ZSCAN2: variants seen among roughly 807,000 people sequenced by gnomAD.
ZSCAN2 encodes zinc finger and SCAN domain containing 2.
ZSCAN2 carries 26 observed loss-of-function variants against 47.8 expected under a neutral mutation model. The observed-to-expected ratio is 0.54, with a 90% CI of 0.40 to 0.75. The LOEUF (loss-of-function observed/expected upper bound fraction) is 0.75, where lower values mean the gene tolerates loss of function less well. ZSCAN2 is among the 30% of genes least tolerant of loss of function. ZSCAN2 has a pLI of 0.00. For missense variants in ZSCAN2, 732 were observed against 785.4 expected (o/e 0.93, Z 0.81); for synonymous variants, 305 against 288.7 (o/e 1.06, Z -0.57).
Position 84,604,294 on chromosome 15 carries a change from G to T in ZSCAN2, c.367G>T (p.Ala123Ser). The T allele has an allele frequency of 1.2e-6, 2 of 1,613,578 alleles. No individual in the cohort carries two copies. Among genetic ancestry groups the T allele is most frequent in the Non-Finnish European group, 1.7e-6 (2 of 1,179,700 alleles). Residue 123 changes from alanine to serine, a missense_variant, in exon 2 of 3, where the codon GCC (alanine) becomes TCC (serine). This residue lies in a region of ZSCAN2 where 320 missense variants were observed against 287.4 expected (regional missense o/e 1.11). Coordinates refer to ENST00000546148, the MANE Select transcript of ZSCAN2 (RefSeq NM_181877.4). ...HRPESSEEAA[A>S]LVEDLTQTLQ... The stretch of plus-strand genomic sequence containing the variant: ...GCCTGAAAGCAGTGAGGAGGCAGCG[G>T]CCCTGGTGGAAGACTTGACCCAGAC...
chr15:84,606,794 C>G (rs1895395910), intron 2 of ZSCAN2: 29 of 1,320,706 alleles, frequency 2.2e-5, no homozygotes, highest in Middle Eastern at 5.7e-4. Context: ...TGGGGACCAT[C>G]CCAGACACAT....
At chr15:84,616,312 C>G (rs762380747) in intron 2 of ZSCAN2, 1 of 1,416,136 alleles carries the variant, frequency 7.1e-7, no homozygotes, top group Non-Finnish European at 1.0e-6. Context: ...TTTCCAGAAA[C>G]AGCTTCCTGC....
At chr15:84,607,583 A>C (rs1228972031) in intron 2 of ZSCAN2, among the ~76,000 whole-genome samples, 1 of 152,084 alleles carries the variant, frequency 6.6e-6, no homozygotes, top group Non-Finnish European at 1.5e-5. Context: ...ATCTGGGCTC[A>C]CTGCAACCTC....
chr15:84,620,435 T>A (rs1429537422), intron 2 of ZSCAN2, among the ~76,000 whole-genome samples, 167 bp from the exon 3 acceptor site: 1 of 152,242 alleles, frequency 6.6e-6, no homozygotes, highest in Non-Finnish European at 1.5e-5. Context: ...ATAGAATGAT[T>A]TATATTCCTT....
At chr15:84,604,761 G>A (rs1405428355) in intron 2 of ZSCAN2, among the ~76,000 whole-genome samples, 3 of 124,352 alleles carry the variant, frequency 2.4e-5, no homozygotes, top group South Asian at 2.5e-4. Flanking sequence ...TTTTTGAAAC[G>A]GAGTCTCGCT....
intron 2 of ZSCAN2, among the ~76,000 whole-genome samples, chr15:84,610,488 CTTT>C (rs71132689): frequency 4.3e-4 from 37 of 86,926 alleles, no homozygotes; most frequent in Middle Eastern, 5.2e-3. Flanking sequence ...TTCTTTCTTT[CTTT>C]TTTTTTTTTT....
At chr15:84,617,916 G>C (rs566840404) in intron 2 of ZSCAN2, among the ~76,000 whole-genome samples, 1 of 152,140 alleles carries the variant, frequency 6.6e-6, no homozygotes, top group East Asian at 1.9e-4. Flanking sequence ...CTACCGCCTC[G>C]GTGACAGACT....
chr15:84,614,643 T>C (rs1247825313), intron 2 of ZSCAN2: 1 of 152,202 alleles, frequency 6.6e-6, no homozygotes, highest in East Asian at 1.9e-4. Context: ...TCTTTTTTTT[T>C]TCCTGAGATA....
intron 2 of ZSCAN2, among the ~76,000 whole-genome samples, chr15:84,619,926 GGTTTTTTT>G (rs941358629): frequency 3.5e-5 from 1 of 28,672 alleles, no homozygotes; most frequent in Non-Finnish European, 7.8e-5. Context: ...AGCCTGGGTT[GGTTTTTTT>G]TTTTTTTTTT....
intron 2 of ZSCAN2, chr15:84,606,594 G>A: frequency 6.2e-7 from 1 of 1,613,984 alleles, no homozygotes; most frequent in East Asian, 2.2e-5. Context: ...TGGATCTCCA[G>A]TCAGATACTA....
At chr15:84,614,342 T>C (rs1451232233) in intron 2 of ZSCAN2, 4 of 152,176 alleles carry the variant, frequency 2.6e-5, no homozygotes, top group Non-Finnish European at 5.9e-5. Flanking sequence ...CAGTTTTAAA[T>C]GTGAATTCTT....
intron 2 of ZSCAN2, 95 bp downstream of exon 2, chr15:84,604,428 A>G: frequency 1.4e-6 from 2 of 1,458,332 alleles, no homozygotes; most frequent in South Asian, 1.4e-5. Context: ...TGTCCAAGGC[A>G]GAGTGGGGGG....
At chr15:84,607,456 C>T (rs1422375524) in intron 2 of ZSCAN2, among the ~76,000 whole-genome samples, 1 of 151,870 alleles carries the variant, frequency 6.6e-6, no homozygotes, top group African/African-American at 2.4e-5. Context: ...ATGCTCTATC[C>T]CCACTCCATT....
chr15:84,619,969 G>A (rs1176804861), intron 2 of ZSCAN2, among the ~76,000 whole-genome samples: 5 of 148,684 alleles, frequency 3.4e-5, no homozygotes, highest in Non-Finnish European at 7.4e-5. Flanking sequence ...AGGTTCAGGG[G>A]TACATGTGCA....
chr15:84,619,403 C>T (rs1271590665), intron 2 of ZSCAN2, among the ~76,000 whole-genome samples: 2 of 151,108 alleles, frequency 1.3e-5, no homozygotes, highest in Non-Finnish European at 2.9e-5. Flanking sequence ...GCACTCCAGC[C>T]TGGGCCACAC....
At chr15:84,612,608 G>A (rs1418933881) in intron 2 of ZSCAN2, among the ~76,000 whole-genome samples, 3 of 152,060 alleles carry the variant, frequency 2.0e-5, no homozygotes, top group Admixed American at 6.6e-5. Context: ...GGTGTCCGGC[G>A]CCTGTAGTCC....
At position 84,622,481 on chromosome 15, in the gene ZSCAN2, A is replaced by C. The variant is rs368977569; in HGVS notation, c.*441A>C. ...GTTTTGCTGCCACGTTGTTGGGCTAAGGTGCCTTCACCCCAAGCTGTTAGT... is the reference window on the plus strand; with the variant it reads ...GTTTTGCTGCCACGTTGTTGGGCTACGGTGCCTTCACCCCAAGCTGTTAGT... On this transcript the variant is annotated 3_prime_UTR_variant, in exon 3 of 3. Coordinates refer to ENST00000546148, the MANE Select transcript of ZSCAN2 (RefSeq NM_181877.4). 1.6e-6 allele frequency: 1 copy of C among 631,948 alleles called. No homozygotes were observed. The highest frequency in any genetic ancestry group is 2.8e-5 in the Admixed American group (1 of 35,954). The allele number at this position is 631,948 out of a possible 1,614,324, so 39.1% of individuals were successfully genotyped here.
intron 1 of ZSCAN2, among the ~76,000 whole-genome samples, chr15:84,602,887 G>C (rs1345819687): frequency 2.0e-5 from 3 of 152,026 alleles, no homozygotes; most frequent in African/African-American, 7.3e-5. Context: ...CAAGCCTATA[G>C]CACAGTTTCT....
chr15:84,616,232 A>T, intron 2 of ZSCAN2: 1 of 852,690 alleles, frequency 1.2e-6, no homozygotes, highest in Non-Finnish European at 2.0e-6. Flanking sequence ...GTGAGACTTC[A>T]TCTCAAAAAA....
Sources: gnomAD v4.1 joint callset for allele counts (sites outside exome capture counted in the v4.1 genomes callset) on GRCh38, gnomAD v4.1.1 for gene constraint, gnomAD v4.1.1 regional missense constraint, MANE v1.5 for transcripts, NCBI Gene and HGNC (gene_info 2026-07-23, HGNC 2026-07-21) for gene names.